OSBPL1A: variants seen among roughly 807,000 people sequenced by gnomAD.
OSBPL1A encodes the protein oxysterol-binding protein-related protein 1.
Under a neutral mutation model 137.1 loss-of-function variants are expected in OSBPL1A, and 80 were observed. That is an observed-to-expected ratio of 0.58 (90% CI 0.49 to 0.70). OSBPL1A has a LOEUF of 0.70. Ranked by LOEUF, OSBPL1A falls within the 30% of genes least tolerant of loss-of-function variation. OSBPL1A has a pLI of 0.00. For missense variants in OSBPL1A, 970 were observed against 1,129.4 expected (o/e 0.86, Z 2.02); for synonymous variants, 365 against 389.7 (o/e 0.94, Z 0.75).
At position 24,207,389 on chromosome 18, in the gene OSBPL1A, T is replaced by C. The variant is rs568622042; in HGVS notation, c.1602-11189A>G. ...GTAAGCCACTGCGCTCAGCCTCTTA[T>C]GTCACTTAAAAGAATATTTTCAAAA... On this transcript the variant is annotated intron_variant, in intron 17 of 27. Coordinates refer to ENST00000319481, the MANE Select transcript of OSBPL1A (RefSeq NM_080597.4). Among the ~76,000 whole-genome samples, 19 of 152,362 alleles carry C rather than the reference T, an allele frequency of 1.2e-4. No homozygotes were observed. The East Asian group carries it at 3.7e-3, about 29-fold the overall frequency.
At chr18:24,391,163 T>C (rs1299633171) in intron 1 of OSBPL1A, among the ~76,000 whole-genome samples, 1 of 152,156 alleles carries the variant, frequency 6.6e-6, no homozygotes, top group Non-Finnish European at 1.5e-5. Flanking sequence ...GAATACATCA[T>C]GCTAAGTGAA....
At chr18:24,242,054 C>G (rs771982498) in intron 15 of OSBPL1A, among the ~76,000 whole-genome samples, 18 of 150,726 alleles carry the variant, frequency 1.2e-4, no homozygotes, top group Non-Finnish European at 2.2e-4. Context: ...AATGTTCTCA[C>G]TCTTAAGTGG....
chr18:24,383,703 G>T (rs986469163), intron 1 of OSBPL1A, among the ~76,000 whole-genome samples: 1 of 152,212 alleles, frequency 6.6e-6, no homozygotes, highest in African/African-American at 2.4e-5. Flanking sequence ...GCAATGAGCT[G>T]AGATCGTGCC....
intron 16 of OSBPL1A, among the ~76,000 whole-genome samples, chr18:24,237,872 A>C (rs929956637): frequency 5.9e-5 from 9 of 152,074 alleles, no homozygotes; most frequent in Non-Finnish European, 7.4e-5. Context: ...CTCAAATCCT[A>C]CCTTCTCTTC....
At chr18:24,318,506 A>G in intron 9 of OSBPL1A, 95 bp downstream of exon 9, 1 of 1,060,074 alleles carries the variant, frequency 9.4e-7, no homozygotes, top group Non-Finnish European at 1.4e-6. Flanking sequence ...AATCACATAT[A>G]CTTCAGAAAT....
chr18:24,172,405 C>T lies in OSBPL1A; in HGVS notation c.2172G>A (p.Gln724=), dbSNP rs2086311542. 5 of 1,613,850 alleles carry T rather than the reference C, an allele frequency of 3.1e-6. No individual in the cohort carries two copies. The highest frequency in any genetic ancestry group is 1.7e-5 in the Admixed American group (1 of 59,994). ...NIIVGKLWIE[Q]YGNVEIINHK... ...GGTTTATAATTTCCACATTGCCATA[C>T]TGTTCGATCCACAGTTTACCCACAA... The change falls in exon 22 of 28, where the codon CAG becomes CAA. Residue 724 remains glutamine (Q), a synonymous_variant. Transcript: ENST00000319481.
At chr18:24,295,188 T>C (rs117152588) in intron 14 of OSBPL1A, among the ~76,000 whole-genome samples, 5,100 of 152,314 alleles carry the variant, frequency 0.033, 125 homozygotes, top group Non-Finnish European at 0.052. Context: ...TTTTTTTATA[T>C]GTTTGTTGGT....
intron 17 of OSBPL1A, among the ~76,000 whole-genome samples, chr18:24,222,562 T>C (rs2087927297): frequency 6.6e-6 from 1 of 152,148 alleles, no homozygotes; most frequent in Admixed American, 6.5e-5. Flanking sequence ...TACACTACGG[T>C]GTCCACTAAT....
intron 14 of OSBPL1A, among the ~76,000 whole-genome samples, chr18:24,285,682 C>T (rs1284348734): frequency 6.6e-6 from 1 of 151,906 alleles, no homozygotes; most frequent in African/African-American, 2.4e-5. Flanking sequence ...TAAACACAAA[C>T]AGGAGAGAGA....
At chr18:24,170,209 A>G in intron 24 of OSBPL1A, 118 bp downstream of exon 24, 4 of 1,205,736 alleles carry the variant, frequency 3.3e-6, no homozygotes, top group Non-Finnish European at 4.7e-6. Context: ...AGTGACATGC[A>G]TTAGCAACAA....
At chr18:24,203,530 A>G (rs144566888) in intron 17 of OSBPL1A, among the ~76,000 whole-genome samples, 24 of 152,334 alleles carry the variant, frequency 1.6e-4, no homozygotes, top group African/African-American at 5.8e-4. Context: ...CTTTCTTTGT[A>G]ATACCTTTAG....
intron 24 of OSBPL1A, among the ~76,000 whole-genome samples, chr18:24,169,453 T>A (rs951458094): frequency 1.3e-5 from 2 of 152,222 alleles, no homozygotes; most frequent in African/African-American, 4.8e-5. Flanking sequence ...GAAGTACTTT[T>A]GGCAGAAATG....
chr18:24,351,347 C>CAAAAAAAAAAAAAAAAAAAAAAAAAA (rs1172514692), intron 4 of OSBPL1A, among the ~76,000 whole-genome samples: 5 of 35,772 alleles, frequency 1.4e-4, no homozygotes, highest in African/African-American at 3.0e-4. Context: ...GACTCTGTCT[C>CAAAAAAAAAAAAAAAAAAAAAAAAAA]AAAAAAAAAA....
At chr18:24,382,225 C>T (rs1395036291) in intron 1 of OSBPL1A, among the ~76,000 whole-genome samples, 6 of 117,256 alleles carry the variant, frequency 5.1e-5, no homozygotes, top group Admixed American at 2.1e-4. Context: ...ATGGTGAAAA[C>T]GTCTCTACTA....
intron 9 of OSBPL1A, 34 bp from the exon 10 acceptor site, chr18:24,317,434 A>T: frequency 6.6e-7 from 1 of 1,508,780 alleles, no homozygotes; most frequent in Non-Finnish European, 9.2e-7. Context: ...TCCCAAGCTG[A>T]CACATCTAGA....
chr18:24,382,338 C>T (rs1285501536), intron 1 of OSBPL1A, among the ~76,000 whole-genome samples: 1 of 145,146 alleles, frequency 6.9e-6, no homozygotes, highest in Admixed American at 7.2e-5. Context: ...ACCCAGGAGG[C>T]AGAGCTTGCA....
intron 17 of OSBPL1A, among the ~76,000 whole-genome samples, chr18:24,200,723 G>A (rs185068822): frequency 1.7e-3 from 258 of 152,168 alleles, no homozygotes; most frequent in African/African-American, 5.3e-3. Context: ...CAAGAATAGC[G>A]TGGGGAACAA....
intron 17 of OSBPL1A, among the ~76,000 whole-genome samples, chr18:24,212,073 C>CTT (rs552495662): frequency 4.3e-4 from 63 of 146,692 alleles, no homozygotes; most frequent in African/African-American, 1.3e-3. Context: ...GCTTCAGAAA[C>CTT]TTTTTTTTTT....
chr18:24,180,224 T>C (rs1212183995), intron 19 of OSBPL1A, among the ~76,000 whole-genome samples: 1 of 152,084 alleles, frequency 6.6e-6, no homozygotes, highest in African/African-American at 2.4e-5. Context: ...TCCACTGAGG[T>C]TGGAAAATGC....
Sources: gnomAD v4.1 joint callset for allele counts (sites outside exome capture counted in the v4.1 genomes callset) on GRCh38, gnomAD v4.1.1 for gene constraint, MANE v1.5 for transcripts, NCBI Gene and HGNC (gene_info 2026-07-23, HGNC 2026-07-21) for gene names.